Variants in SMAP1 observed in about 807,000 individuals in gnomAD.
SMAP1 encodes stromal membrane-associated protein 1.
In SMAP1, 24 loss-of-function variants were observed where a neutral mutation model predicts 58.5. The ratio of observed to expected loss-of-function variants is 0.41; its 90% CI spans 0.30 to 0.58. The LOEUF (loss-of-function observed/expected upper bound fraction) is 0.58, where lower values mean the gene tolerates loss of function less well. Among genes scored for constraint, SMAP1 ranks in the 20% least tolerant of loss-of-function variants. The pLI is 0.29. For synonymous variants in SMAP1, 216 were observed against 196.6 expected (o/e 1.10, Z -0.82); for missense variants, 563 against 566.3 (o/e 0.99, Z 0.06).
At chr6:70,672,066 TC>T (rs1394876273) in intron 1 of SMAP1, among the ~76,000 whole-genome samples, 1 of 152,246 alleles carries the variant, frequency 6.6e-6, no homozygotes, top group Non-Finnish European at 1.5e-5. Flanking sequence ...GTTTCTTTGT[TC>T]CGCAGATCTT....
At chr6:70,794,523 C>T (rs753717121) in intron 5 of SMAP1, among the ~76,000 whole-genome samples, 4 of 152,114 alleles carry the variant, frequency 2.6e-5, no homozygotes, top group Non-Finnish European at 5.9e-5. Context: ...TTGCTGCACT[C>T]GTCAACTCAT....
At chr6:70,763,106 C>CTTTTTTTTTTTTTTT (rs35936929) in intron 3 of SMAP1, among the ~76,000 whole-genome samples, 1 of 84,464 alleles carries the variant, frequency 1.2e-5, no homozygotes, top group African/African-American at 4.9e-5. Context: ...ACAGATATTA[C>CTTTTTTTTTTTTTTT]TTTTTTTTTT....
rs529022555 is a variant in SMAP1 at position 70,716,664 on chromosome 6, T to G, written c.119-15714T>G. ...GATCTAGTCTGTTACTGGACCCATC[T>G]TTTGACTTTTTGGTTCAGTTATTAT... On this transcript the variant is annotated intron_variant, in intron 1 of 10. Coordinates refer to ENST00000370455, the MANE Select transcript of SMAP1 (RefSeq NM_001044305.3). 8.5e-5 allele frequency among the ~76,000 whole-genome samples: 13 copies of G among 152,266 alleles called. No individual in the cohort carries two copies. The South Asian group carries it at 2.5e-3, about 29-fold the overall frequency.
chr6:70,827,887 A>G (rs1035104555), intron 6 of SMAP1, among the ~76,000 whole-genome samples: 3 of 152,244 alleles, frequency 2.0e-5, no homozygotes, highest in Non-Finnish European at 4.4e-5. Flanking sequence ...ATACAATTTA[A>G]GAAAGAATAT....
At chr6:70,814,487 C>T (rs2149974095) in intron 6 of SMAP1, among the ~76,000 whole-genome samples, 1 of 152,224 alleles carries the variant, frequency 6.6e-6, no homozygotes, top group East Asian at 1.9e-4. Context: ...GACCTTTCAT[C>T]ATTTGAAACT....
chr6:70,721,128 T>C (rs909586758), intron 1 of SMAP1, among the ~76,000 whole-genome samples: 1 of 152,174 alleles, frequency 6.6e-6, no homozygotes, highest in Non-Finnish European at 1.5e-5. Context: ...CCCTAGAAAA[T>C]GGGTTTTTCT....
chr6:70,755,086 G>A, intron 3 of SMAP1, 21 bp downstream of exon 3: 1 of 1,557,456 alleles, frequency 6.4e-7, no homozygotes, highest in Non-Finnish European at 8.8e-7. Flanking sequence ...AAACTTATTT[G>A]TTTTGAGTTT....
At chr6:70,785,864 A>C (rs138512799) in intron 4 of SMAP1, among the ~76,000 whole-genome samples, 1 of 152,206 alleles carries the variant, frequency 6.6e-6, no homozygotes, top group Non-Finnish European at 1.5e-5. Context: ...GCCGAATTCT[A>C]CCAGAGGTAC....
rs761498824 is a variant in SMAP1 at position 70,857,992 on chromosome 6, G to A, written c.1032G>A (p.Ser344=). 153 of 1,613,980 alleles carry A rather than the reference G, an allele frequency of 9.5e-5. 1 individual carries two copies. The South Asian group carries it at 1.4e-3, about 14-fold the overall frequency. Residue 344 remains serine (S), a synonymous_variant, in exon 10 of 11, where the codon TCG becomes TCA. Transcript: ENST00000370455. ...QAPAAFQGFP[S]MGVPVPAAPG... is the part of the protein sequence containing the mutation. Reference sequence around the variant, plus strand: ...CAGCTGCATTTCAGGGCTTTCCATCGATGGGCGTGCCTGTGCCTGCAGCTC... The same window carrying A: ...CAGCTGCATTTCAGGGCTTTCCATCAATGGGCGTGCCTGTGCCTGCAGCTC...
At chr6:70,852,725 A>C in intron 8 of SMAP1, 61 bp downstream of exon 8, 1 of 1,442,298 alleles carries the variant, frequency 6.9e-7, no homozygotes, top group Non-Finnish European at 9.2e-7. Flanking sequence ...AAAAGTTTCA[A>C]AATTTCAATT....
intron 3 of SMAP1, among the ~76,000 whole-genome samples, chr6:70,763,017 A>G (rs1766816096): frequency 1.3e-5 from 2 of 151,798 alleles, no homozygotes; most frequent in South Asian, 2.1e-4. Flanking sequence ...AACTTTCACA[A>G]ACTCAGTATT....
intron 7 of SMAP1, 109 bp downstream of exon 7, chr6:70,837,137 A>G: frequency 1.4e-6 from 1 of 705,140 alleles, no homozygotes; most frequent in Non-Finnish European, 2.1e-6. Flanking sequence ...GTACCTGTTA[A>G]CTGAATTTGA....
chr6:70,820,403 G>C (rs1413344090), intron 6 of SMAP1, among the ~76,000 whole-genome samples: 2 of 152,076 alleles, frequency 1.3e-5, no homozygotes, highest in Non-Finnish European at 2.9e-5. Context: ...AGAGACTAGA[G>C]AAATATTATG....
intron 1 of SMAP1, among the ~76,000 whole-genome samples, chr6:70,688,684 C>A (rs1343289422): frequency 1.3e-5 from 2 of 152,148 alleles, no homozygotes; most frequent in African/African-American, 4.8e-5. Context: ...ATTCTAGATA[C>A]TAGTCGTTTG....
intron 1 of SMAP1, among the ~76,000 whole-genome samples, chr6:70,719,203 G>A (rs890081606): frequency 1.6e-4 from 24 of 152,234 alleles, no homozygotes; most frequent in East Asian, 9.6e-4. Context: ...GTACTTTGTC[G>A]TTTGGTATTC....
chr6:70,755,598 C>T (rs572879002), intron 3 of SMAP1, among the ~76,000 whole-genome samples: 1 of 152,074 alleles, frequency 6.6e-6, no homozygotes, highest in South Asian at 2.1e-4. Flanking sequence ...GCATTTTTGA[C>T]TTAAAATATT....
intron 6 of SMAP1, among the ~76,000 whole-genome samples, chr6:70,804,401 G>T (rs1029256053): frequency 6.6e-6 from 1 of 151,610 alleles, no homozygotes; most frequent in Non-Finnish European, 1.5e-5. Context: ...CAGGTGAGAT[G>T]GGTCTCCTGA....
chr6:70,682,943 C>G (rs1328024383), intron 1 of SMAP1, among the ~76,000 whole-genome samples: 1 of 151,924 alleles, frequency 6.6e-6, no homozygotes, highest in Non-Finnish European at 1.5e-5. Context: ...GAGGCTGAGG[C>G]AGGAGAATCA....
intron 3 of SMAP1, among the ~76,000 whole-genome samples, chr6:70,755,426 A>G (rs1329560224): frequency 1.3e-5 from 2 of 152,060 alleles, no homozygotes; most frequent in African/African-American, 4.8e-5. Context: ...CTGTTTTCAC[A>G]TTCAGTACAG....
Sources: gnomAD v4.1 joint callset for allele counts (sites outside exome capture counted in the v4.1 genomes callset) on GRCh38, gnomAD v4.1.1 for gene constraint, MANE v1.5 for transcripts, NCBI Gene and HGNC (gene_info 2026-07-23, HGNC 2026-07-21) for gene names.